STK32C: variants seen among roughly 807,000 people sequenced by gnomAD.
The protein encoded by STK32C is serine/threonine kinase 32C.
STK32C carries 31 observed loss-of-function variants against 56.5 expected under a neutral mutation model. The observed-to-expected ratio is 0.55, with a 90% CI of 0.41 to 0.74. The LOEUF is 0.74. Among genes scored for constraint, STK32C ranks in the 30% least tolerant of loss-of-function variants. The probability of loss-of-function intolerance (pLI) is 0.00; values close to 1 mark genes in which losing one functional copy is unlikely to be tolerated. For synonymous variants in STK32C, 309 were observed against 289.4 expected, an observed-to-expected ratio of 1.07 and a Z score of -0.69; for missense variants, 544 against 676.9, an observed-to-expected ratio of 0.80 and a Z score of 2.18.
At chr10:132,281,701 C>T (rs572883350) in intron 1 of STK32C, among the ~76,000 whole-genome samples, 3 of 152,184 alleles carry the variant, frequency 2.0e-5, no homozygotes, top group African/African-American at 7.2e-5. Flanking sequence ...CTGGGCCGGT[C>T]GGGTGGTTTG....
intron 2 of STK32C, among the ~76,000 whole-genome samples, chr10:132,239,458 C>T (rs770192293): frequency 5.9e-5 from 9 of 152,254 alleles, no homozygotes; most frequent in Non-Finnish European, 8.8e-5. Context: ...AGTCCAGAAA[C>T]GCCATTGCTC....
At chr10:132,313,656 G>C (rs889053528) in intron 1 of STK32C, among the ~76,000 whole-genome samples, 4 of 152,246 alleles carry the variant, frequency 2.6e-5, no homozygotes, top group Non-Finnish European at 5.9e-5. Flanking sequence ...CCAAAGGGGA[G>C]CAGGAGAGCA....
chr10:132,233,294 C>G (rs1339403771), intron 2 of STK32C, among the ~76,000 whole-genome samples: 2 of 152,150 alleles, frequency 1.3e-5, no homozygotes, highest in Non-Finnish European at 1.5e-5. Flanking sequence ...CCGTGCACTC[C>G]AGAGGCAGTT....
chr10:132,246,889 T>A (rs2063714045), intron 1 of STK32C, among the ~76,000 whole-genome samples: 1 of 152,090 alleles, frequency 6.6e-6, no homozygotes, highest in Non-Finnish European at 1.5e-5. Context: ...CACCCCTAAG[T>A]CCGTGTCCCC....
At chr10:132,305,217 T>C (rs964181925) in intron 1 of STK32C, among the ~76,000 whole-genome samples, 1 of 152,198 alleles carries the variant, frequency 6.6e-6, no homozygotes, top group African/African-American at 2.4e-5. Flanking sequence ...AGTTCTGGCA[T>C]GACAAAGACG....
intron 7 of STK32C, among the ~76,000 whole-genome samples, chr10:132,224,854 G>C (rs1454258863): frequency 6.6e-6 from 1 of 152,148 alleles, no homozygotes; most frequent in Non-Finnish European, 1.5e-5. Flanking sequence ...GTCCACAAGA[G>C]GACCCCCAGC....
At chr10:132,250,877 C>T (rs1053120125) in intron 1 of STK32C, among the ~76,000 whole-genome samples, 1 of 152,220 alleles carries the variant, frequency 6.6e-6, no homozygotes, top group Non-Finnish European at 1.5e-5. Context: ...TCAGAGCCCC[C>T]AAAACCAATC....
chr10:132,228,229 A>T, intron 2 of STK32C, 101 bp from the exon 3 acceptor site: 1 of 1,501,922 alleles, frequency 6.7e-7, no homozygotes, highest in Non-Finnish European at 9.3e-7. Flanking sequence ...CATCGTCAGG[A>T]CACAAGGGGA....
chr10:132,257,902 G>A (rs561382257), intron 1 of STK32C, among the ~76,000 whole-genome samples: 32 of 152,244 alleles, frequency 2.1e-4, no homozygotes, highest in Admixed American at 5.2e-4. Flanking sequence ...AAAGGAGGCC[G>A]CGGCCCAGCA....
chr10:132,270,273 A>G (rs1414518074), intron 1 of STK32C, among the ~76,000 whole-genome samples: 3 of 152,226 alleles, frequency 2.0e-5, no homozygotes, highest in African/African-American at 7.2e-5. Flanking sequence ...CAATCTTGAG[A>G]GGGTGGGACT....
At chr10:132,290,455 T>C (rs2065530205) in intron 1 of STK32C, among the ~76,000 whole-genome samples, 1 of 152,332 alleles carries the variant, frequency 6.6e-6, no homozygotes, top group Non-Finnish European at 1.5e-5. Context: ...TTGCAGCAGG[T>C]AGCACCTAGA....
intron 10 of STK32C, among the ~76,000 whole-genome samples, chr10:132,212,973 C>T (rs1205368573): frequency 6.6e-6 from 1 of 152,224 alleles, no homozygotes; most frequent in Non-Finnish European, 1.5e-5. Flanking sequence ...CTCTGGGGAG[C>T]GGCCGGGGCC....
At chr10:132,269,942 C>A (rs528048442) in intron 1 of STK32C, among the ~76,000 whole-genome samples, 1 of 152,366 alleles carries the variant, frequency 6.6e-6, no homozygotes, top group African/African-American at 2.4e-5. Context: ...CTGAGCCAGG[C>A]CCCCTGTCCT....
rs76650662 is a variant in STK32C, at chr10:132,297,850, A to G, written c.262+9722T>C. 4.9e-3 allele frequency among the ~76,000 whole-genome samples: 747 copies of G among 152,352 alleles called. 5 individuals are homozygous for G. The highest frequency in any genetic ancestry group is 0.017 in the African/African-American group (700 of 41,588). On this transcript the variant is annotated intron_variant, in intron 1 of 11. Transcript: ENST00000298630. ...CTCTGGGGCTTTATTTTCCAAACTC[A>G]GGAAGATGTTGACTCCACTCCAACT...
At chr10:132,249,490 G>A (rs902836900) in intron 1 of STK32C, among the ~76,000 whole-genome samples, 1 of 152,172 alleles carries the variant, frequency 6.6e-6, no homozygotes, top group Non-Finnish European at 1.5e-5. Context: ...CACCGCACCA[G>A]CGCCCCTGAG....
intron 1 of STK32C, among the ~76,000 whole-genome samples, chr10:132,281,254 T>C (rs1430141536): frequency 6.6e-6 from 1 of 151,804 alleles, no homozygotes; most frequent in Non-Finnish European, 1.5e-5. Context: ...ATCTTTTGCT[T>C]CTCTAGACTA....
At chr10:132,249,384 T>A (rs1455708054) in intron 1 of STK32C, among the ~76,000 whole-genome samples, 1 of 152,144 alleles carries the variant, frequency 6.6e-6, no homozygotes, top group Non-Finnish European at 1.5e-5. Flanking sequence ...ATGCAGATGC[T>A]GCTCAGGGAA....
At chr10:132,257,634 C>T (rs1273754232) in intron 1 of STK32C, among the ~76,000 whole-genome samples, 2 of 151,918 alleles carry the variant, frequency 1.3e-5, no homozygotes, top group Non-Finnish European at 2.9e-5. Context: ...GCTGCCGGCC[C>T]CCTGCCCTGC....
At chr10:132,226,634 G>A (rs557017928) in intron 4 of STK32C, among the ~76,000 whole-genome samples, 161 bp downstream of exon 4, 45 of 152,354 alleles carry the variant, frequency 3.0e-4, no homozygotes, top group African/African-American at 9.1e-4. Context: ...TGACCTGGTC[G>A]GCACAGGTGC....
Sources: gnomAD v4.1 joint callset for allele counts (sites outside exome capture counted in the v4.1 genomes callset) on GRCh38, gnomAD v4.1.1 for gene constraint, MANE v1.5 for transcripts, NCBI Gene and HGNC (gene_info 2026-07-23, HGNC 2026-07-21) for gene names.